CARMIL1: variants seen among roughly 807,000 people sequenced by gnomAD.
The protein encoded by CARMIL1 is F-actin-uncapping protein LRRC16A.
A neutral mutation model predicts 177.1 loss-of-function variants in CARMIL1; 90 were observed. That is an observed-to-expected ratio of 0.51 (90% CI 0.43 to 0.61). CARMIL1 has a LOEUF of 0.61. CARMIL1 is among the 20% of genes least tolerant of loss of function. The pLI is 0.00. For missense variants in CARMIL1, 1,380 were observed against 1,667.0 expected (o/e 0.83, Z 3.00); for synonymous variants, 577 against 606.2 (o/e 0.95, Z 0.71).
intron 3 of CARMIL1, among the ~76,000 whole-genome samples, chr6:25,425,269 T>G (rs1796187941): frequency 6.6e-6 from 1 of 152,190 alleles, no homozygotes; most frequent in Admixed American, 6.5e-5. Context: ...GAGTTCTCTT[T>G]CTACTTCCAG....
chr6:25,570,813 A>G (rs1015396965), intron 29 of CARMIL1, among the ~76,000 whole-genome samples: 5 of 152,194 alleles, frequency 3.3e-5, no homozygotes, highest in Admixed American at 6.5e-5. Flanking sequence ...GTGGCACATC[A>G]CTAAATCTCT....
chr6:25,592,319 T>G (rs3804120), intron 31 of CARMIL1, among the ~76,000 whole-genome samples: 29,395 of 152,142 alleles, frequency 0.19, 3,085 homozygotes, highest in East Asian at 0.41. Flanking sequence ...TATATTAACT[T>G]AAGGGGCTAT....
intron 2 of CARMIL1, among the ~76,000 whole-genome samples, chr6:25,373,448 A>G (rs762604192): frequency 4.1e-5 from 6 of 145,342 alleles, no homozygotes; most frequent in South Asian, 2.1e-4. Flanking sequence ...GATTCAAGCT[A>G]GGAAGATTGT....
At chr6:25,354,892 T>C (rs1788432810) in intron 2 of CARMIL1, among the ~76,000 whole-genome samples, 1 of 152,200 alleles carries the variant, frequency 6.6e-6, no homozygotes, top group African/African-American at 2.4e-5. Context: ...CCAAAACTTC[T>C]GCTTATAGAC....
At chr6:25,500,733 G>C (rs917788066) in intron 17 of CARMIL1, among the ~76,000 whole-genome samples, 1 of 151,894 alleles carries the variant, frequency 6.6e-6, no homozygotes, top group Non-Finnish European at 1.5e-5. Flanking sequence ...GAGCTCATAA[G>C]AACTGAGACT....
At chr6:25,398,702 C>CATG (rs1793634684) in intron 2 of CARMIL1, among the ~76,000 whole-genome samples, 3 of 152,214 alleles carry the variant, frequency 2.0e-5, no homozygotes, top group South Asian at 2.1e-4. Flanking sequence ...ACAAGCCCTT[C>CATG]CAGAATCATG....
intron 2 of CARMIL1, among the ~76,000 whole-genome samples, chr6:25,364,881 C>T (rs1229642871): frequency 6.6e-6 from 1 of 152,130 alleles, no homozygotes; most frequent in African/African-American, 2.4e-5. Flanking sequence ...CGGAAGAGTA[C>T]AGTGTCATGC....
chr6:25,501,748 A>G (rs1582165037), intron 17 of CARMIL1, among the ~76,000 whole-genome samples: 1 of 152,128 alleles, frequency 6.6e-6, no homozygotes, highest in African/African-American at 2.4e-5. Context: ...GTCATACTAT[A>G]TTTTGTATTT....
At chr6:25,555,333 G>A (rs1201981445) in intron 28 of CARMIL1, among the ~76,000 whole-genome samples, 3 of 152,118 alleles carry the variant, frequency 2.0e-5, no homozygotes, top group African/African-American at 7.2e-5. Context: ...ATTGTTTAGA[G>A]CTCCTGATTC....
intron 23 of CARMIL1, among the ~76,000 whole-genome samples, chr6:25,523,744 C>G (rs976870485): frequency 7.2e-5 from 11 of 152,184 alleles, no homozygotes; most frequent in Admixed American, 7.2e-4. Flanking sequence ...ACAAGGAAAA[C>G]TATCACCCTG....
At chr6:25,304,113 G>A (rs1379960652) in intron 2 of CARMIL1, among the ~76,000 whole-genome samples, 2 of 152,242 alleles carry the variant, frequency 1.3e-5, no homozygotes, top group African/African-American at 4.8e-5. Flanking sequence ...GCTGAGCTGT[G>A]CTCACACATG....
rs1799202314 is a variant in CARMIL1, at chr6:25,453,566, G to A, written c.614+2855G>A. ...GCTAAAATTTAATAAAATGAGTAAT[G>A]TTTACTGCTTCACTGAGGACATTCT... On this transcript the variant is annotated intron_variant, in intron 8 of 36. Coordinates refer to ENST00000329474, the MANE Select transcript of CARMIL1 (RefSeq NM_017640.6). Among the ~76,000 whole-genome samples, 6 of 152,152 alleles carry A rather than the reference G, an allele frequency of 3.9e-5. No individual in the cohort carries two copies. In the South Asian group the frequency reaches 1.2e-3, roughly 32 times the overall value.
chr6:25,535,270 C>A (rs1160081626), intron 24 of CARMIL1, among the ~76,000 whole-genome samples: 1 of 151,998 alleles, frequency 6.6e-6, no homozygotes, highest in Non-Finnish European at 1.5e-5. Context: ...AGGTCAAGGA[C>A]TGGAGAACTG....
intron 2 of CARMIL1, among the ~76,000 whole-genome samples, chr6:25,315,568 C>T (rs1784213154): frequency 6.9e-6 from 1 of 145,574 alleles, no homozygotes; most frequent in Non-Finnish European, 1.5e-5. Flanking sequence ...TCTCTTCCCC[C>T]ACCCGCCATT....
At chr6:25,604,092 G>A (rs1301464669) in intron 33 of CARMIL1, among the ~76,000 whole-genome samples, 1 of 152,014 alleles carries the variant, frequency 6.6e-6, no homozygotes, top group East Asian at 1.9e-4. Context: ...TTTTTAAATA[G>A]ATAAGGTCTC....
intron 2 of CARMIL1, among the ~76,000 whole-genome samples, chr6:25,391,310 A>G (rs1792797156): frequency 6.6e-6 from 1 of 152,156 alleles, no homozygotes; most frequent in Admixed American, 6.6e-5. Context: ...TGATAATTAC[A>G]CTGCTATACT....
rs763769998 is a variant in CARMIL1 at position 25,600,466 on chromosome 6, A to G, written c.3272A>G (p.Glu1091Gly). ...CCACCAACGATCTTGATGACAGAAGAACCCTCCTCACCAAAAGGGGCAGTC... is the reference window on the plus strand; with the variant it reads ...CCACCAACGATCTTGATGACAGAAGGACCCTCCTCACCAAAAGGGGCAGTC... ...ERPPTILMTE[E>G]PSSPKGAVRS... Residue 1091 changes from glutamate (E) to glycine (G), a missense_variant, in exon 33 of 37, where the codon GAA becomes GGA. Coordinates refer to ENST00000329474, the MANE Select transcript of CARMIL1 (RefSeq NM_017640.6). The G allele has an allele frequency of 1.2e-6, 2 of 1,613,942 alleles. No homozygotes were observed. Among genetic ancestry groups the G allele is most frequent in the African/African-American group, 1.3e-5 (1 of 74,938 alleles).
intron 31 of CARMIL1, among the ~76,000 whole-genome samples, chr6:25,583,746 A>C (rs1813352195): frequency 1.3e-5 from 2 of 152,114 alleles, no homozygotes; most frequent in Non-Finnish European, 2.9e-5. Flanking sequence ...CCATTATTAC[A>C]TATTCTTATA....
rs72839017 is a variant in CARMIL1 at position 25,477,754 on chromosome 6, A to G, written c.875-4503A>G. On this transcript the variant is annotated intron_variant, in intron 11 of 36. Transcript: ENST00000329474. ...ATGCTTTACTTCTCTAAGCATTGCA[A>G]ATTCTGTGTTCTGTTTTTCCTAGTT... is the stretch of plus-strand genomic sequence containing the variant. Among the ~76,000 whole-genome samples the G allele has an allele frequency of 6.9e-3, 1,044 of 152,108 alleles. 9 individuals carry two copies. The highest frequency in any genetic ancestry group is 0.012 in the Non-Finnish European group (786 of 67,984).
Sources: gnomAD v4.1 joint callset for allele counts (sites outside exome capture counted in the v4.1 genomes callset) on GRCh38, gnomAD v4.1.1 for gene constraint, MANE v1.5 for transcripts, NCBI Gene and HGNC (gene_info 2026-07-23, HGNC 2026-07-21) for gene names.